Variants in PIEZO2 observed in about 807,000 individuals in gnomAD.
PIEZO2 encodes piezo type mechanosensitive ion channel component 2.
A neutral mutation model predicts 337.3 loss-of-function variants in PIEZO2; 172 were observed. That is an observed-to-expected ratio of 0.51 (90% CI 0.45 to 0.58). The LOEUF is 0.58. PIEZO2 is among the 20% of genes least tolerant of loss of function. The pLI is 0.00. For synonymous variants in PIEZO2, 1,251 were observed against 1,228.5 expected, an observed-to-expected ratio of 1.02 and a Z score of -0.38; for missense variants, 3,028 against 3,391.3, an observed-to-expected ratio of 0.89 and a Z score of 2.66.
At position 10,837,340 on chromosome 18, in the gene PIEZO2, G is replaced by C. The variant is rs2041046278; in HGVS notation, c.917+18013C>G. Among the ~76,000 whole-genome samples the C allele has an allele frequency of 6.6e-6, 1 of 152,196 alleles. No homozygotes were observed. The highest frequency in any genetic ancestry group is 6.5e-5 in the Admixed American group (1 of 15,286). ...AGAAGTCCCCTGTGAGGGGAACACAGCATCTTCTGAGAATACCTTTTCCAA... is the reference window on the plus strand; with the variant it reads ...AGAAGTCCCCTGTGAGGGGAACACACCATCTTCTGAGAATACCTTTTCCAA... On this transcript the variant is annotated intron_variant, in intron 7 of 55. Coordinates refer to ENST00000674853, the MANE Select transcript of PIEZO2 (RefSeq NM_001378183.1). The surrounding 1 kb of genome is among the most constrained non-coding windows in gnomAD (Gnocchi z 4.4).
Position 11,097,577 on chromosome 18 carries a change from G to A in PIEZO2, c.65-31355C>T, listed in dbSNP as rs2039295995. On this transcript the variant is annotated intron_variant, in intron 1 of 55. Transcript: ENST00000674853. The surrounding 1 kb of genome is among the most constrained non-coding windows in gnomAD (Gnocchi z 5.0). ...AAGACAGCAAAAGCTATTTAGAGGA[G>A]TACAGCCTAATCACCACCACCAAAA... is the stretch of plus-strand genomic sequence containing the variant. 6.6e-6 allele frequency among the ~76,000 whole-genome samples: 1 copy of A among 152,210 alleles called. No individual in the cohort carries two copies. Among genetic ancestry groups the A allele is most frequent in the African/African-American group, 2.4e-5 (1 of 41,462 alleles).
rs1196335737 is a variant in PIEZO2 at position 11,094,031 on chromosome 18, T to C, written c.65-27809A>G. On this transcript the variant is annotated intron_variant, in intron 1 of 55. Coordinates refer to ENST00000674853, the MANE Select transcript of PIEZO2 (RefSeq NM_001378183.1). This position sits in a 1 kb window ranked among gnomAD's most constrained non-coding sequence, Gnocchi z 4.4. ...CTCGCTCTTGGGGCCCAGGCTGGAG[T>C]GCAGTGGTGCTACTGCGGCTCACTG... is the stretch of plus-strand genomic sequence containing the variant. 6.6e-6 allele frequency among the ~76,000 whole-genome samples: 1 copy of C among 151,820 alleles called. No individual in the cohort carries two copies. Among genetic ancestry groups the C allele is most frequent in the Non-Finnish European group, 1.5e-5 (1 of 68,006 alleles).
intron 4 of PIEZO2, among the ~76,000 whole-genome samples, chr18:10,909,683 T>A (rs1598668228): frequency 6.6e-6 from 1 of 152,286 alleles, no homozygotes; most frequent in Non-Finnish European, 1.5e-5. Context: ...AGTGGATAGG[T>A]GACCTTTTTC....
intron 1 of PIEZO2, among the ~76,000 whole-genome samples, chr18:11,118,287 C>T (rs1346158068): frequency 1.3e-5 from 2 of 152,192 alleles, no homozygotes; most frequent in Non-Finnish European, 2.9e-5. Flanking sequence ...AACGCTGGGA[C>T]CTGGAGGGGC....
At position 10,984,224 on chromosome 18, in the gene PIEZO2, A is replaced by G. The variant is rs2034783358; in HGVS notation, c.161-4564T>C. On this transcript the variant is annotated intron_variant, in intron 2 of 55. Transcript: ENST00000674853. The stretch of plus-strand genomic sequence containing the variant: ...TATGACATCACCAAAGGAACAAAAT[A>G]CAGCTCTAGTGGCTGACCCCAAAGA... 2.6e-5 allele frequency among the ~76,000 whole-genome samples: 4 copies of G among 152,212 alleles called. No homozygotes were observed. The South Asian group carries it at 8.3e-4, about 32-fold the overall frequency.
chr18:11,035,312 TC>T lies in PIEZO2; in HGVS notation c.160+30814del. Among the ~76,000 whole-genome samples, 4 of 114,884 alleles carry T rather than the reference TC, an allele frequency of 3.5e-5. No homozygotes were observed. Among genetic ancestry groups the T allele is most frequent in the South Asian group, 2.7e-4 (1 of 3,682 alleles). The allele number at this position is 114,884 out of a possible 152,430, so 75.4% of individuals were successfully genotyped here. ...AAAAGCCTGGCACCTTCTCTCTCTC[TC>T]CCTCTCTCTCTCTCTCTCTCTTTCT... On this transcript the variant is annotated intron_variant, in intron 2 of 55. Coordinates refer to ENST00000674853, the MANE Select transcript of PIEZO2 (RefSeq NM_001378183.1). The surrounding 1 kb of genome is among the most constrained non-coding windows in gnomAD (Gnocchi z 4.3).
At chr18:10,800,543 C>A in intron 10 of PIEZO2, 68 bp from the exon 11 acceptor site, 1 of 1,445,516 alleles carries the variant, frequency 6.9e-7, no homozygotes, top group Admixed American at 2.7e-5. Context: ...GACATACCCC[C>A]ACTTCCCTTC....
rs9962335 is a variant in PIEZO2 at position 10,783,888 on chromosome 18, C to T, written c.2492+896G>A. Among the ~76,000 whole-genome samples the T allele has an allele frequency of 0.032, 4,946 of 152,288 alleles. 113 individuals carry two copies. The highest frequency in any genetic ancestry group is 0.12 in the South Asian group (587 of 4,820). ...AGAACGCTGGAAGTTTGGCATTTTA[C>T]GAAATGCATATCATGAACTCCTACT... On this transcript the variant is annotated intron_variant, in intron 17 of 55. Transcript: ENST00000674853. The surrounding 1 kb of genome is among the most constrained non-coding windows in gnomAD (Gnocchi z 4.3).
intron 2 of PIEZO2, among the ~76,000 whole-genome samples, chr18:10,994,420 T>C (rs2035227064): frequency 6.7e-6 from 1 of 149,588 alleles, no homozygotes; most frequent in African/African-American, 2.5e-5. Context: ...TTTTTTTTGA[T>C]ACTGAGTCTT....
rs2034307303 is a variant in PIEZO2, at chr18:10,973,143, C to T, written c.286+6392G>A. Among the ~76,000 whole-genome samples the T allele has an allele frequency of 6.6e-6, 1 of 152,094 alleles. No homozygotes were observed. Among genetic ancestry groups the T allele is most frequent in the African/African-American group, 2.4e-5 (1 of 41,398 alleles). ...AAAACTGCTGCATAAAGTGAGCATCCATATCTATTACTAAAGGTGAATCAA... is the reference window on the plus strand; with the variant it reads ...AAAACTGCTGCATAAAGTGAGCATCTATATCTATTACTAAAGGTGAATCAA... On this transcript the variant is annotated intron_variant, in intron 3 of 55. Transcript: ENST00000674853. The surrounding 1 kb of genome is among the most constrained non-coding windows in gnomAD (Gnocchi z 4.9).
rs1017646808 is a variant in PIEZO2, at chr18:10,751,515, A to G, written c.4167+1121T>C. On this transcript the variant is annotated intron_variant, in intron 28 of 55. Coordinates refer to ENST00000674853, the MANE Select transcript of PIEZO2 (RefSeq NM_001378183.1). ...CATCACCTAGAAAATTAACCTTTCA[A>G]TGGACTTCAGACAAAATAAATTATC... 1.4e-4 allele frequency among the ~76,000 whole-genome samples: 22 copies of G among 152,358 alleles called. 1 individual carries two copies. Among genetic ancestry groups the G allele is most frequent in the South Asian group, 1.2e-3 (6 of 4,832 alleles).
chr18:10,998,182 C>CA (rs1568279980), intron 2 of PIEZO2, among the ~76,000 whole-genome samples: 1 of 151,736 alleles, frequency 6.6e-6, no homozygotes, highest in South Asian at 2.1e-4. Context: ...AGGAATGAGG[C>CA]AAAAAGAAAA....
Position 11,038,403 on chromosome 18 carries a change from A to G in PIEZO2, c.160+27724T>C, listed in dbSNP as rs1434547922. Among the ~76,000 whole-genome samples, 3 of 152,200 alleles carry G rather than the reference A, an allele frequency of 2.0e-5. No individual in the cohort carries two copies. The highest frequency in any genetic ancestry group is 7.2e-5 in the African/African-American group (3 of 41,444). ...AATGACAGGAAATTAAAAGGTAACCATTCCCATGCCAAGTGTAAGCCGGAG... is the reference window on the plus strand; with the variant it reads ...AATGACAGGAAATTAAAAGGTAACCGTTCCCATGCCAAGTGTAAGCCGGAG... On this transcript the variant is annotated intron_variant, in intron 2 of 55. Transcript: ENST00000674853. The surrounding 1 kb of genome is among the most constrained non-coding windows in gnomAD (Gnocchi z 4.1).
At chr18:10,926,966 C>A (rs973917903) in intron 3 of PIEZO2, among the ~76,000 whole-genome samples, 2 of 152,252 alleles carry the variant, frequency 1.3e-5, no homozygotes, top group Admixed American at 6.5e-5. Flanking sequence ...GCCGCACAAG[C>A]TCTTCCTATC....
At chr18:10,916,581 G>A (rs1348980348) in intron 3 of PIEZO2, among the ~76,000 whole-genome samples, 2 of 152,164 alleles carry the variant, frequency 1.3e-5, no homozygotes, top group Non-Finnish European at 2.9e-5. Context: ...CTCTGAGTGT[G>A]GGGTCCGTGA....
At chr18:10,703,985 C>T (rs1189764071) in intron 42 of PIEZO2, among the ~76,000 whole-genome samples, 2 of 152,102 alleles carry the variant, frequency 1.3e-5, no homozygotes, top group Admixed American at 6.6e-5. Context: ...CCCCCGGTGG[C>T]GCCAGGCATT....
Position 10,762,553 on chromosome 18 carries a change from G to T in PIEZO2, c.3196C>A (p.Pro1066Thr), listed in dbSNP as rs1410043620. ...KSLLYSAPID[P>T]TEWVGLRKSS... ...TTCCGCAGGCCGACCCACTCTGTAG[G>T]ATCGATAGGAGCGCTGTAGAGCAGA... The change falls in exon 23 of 56, where the codon CCT (proline) becomes ACT (threonine). Residue 1066 changes from proline (P) to threonine (T), a missense_variant. Coordinates refer to ENST00000674853, the MANE Select transcript of PIEZO2 (RefSeq NM_001378183.1). The T allele has an allele frequency of 2.3e-5, 35 of 1,537,408 alleles. No homozygotes were observed. Among genetic ancestry groups the T allele is most frequent in the Non-Finnish European group, 3.0e-5 (34 of 1,146,948 alleles).
intron 3 of PIEZO2, among the ~76,000 whole-genome samples, chr18:10,955,733 A>G (rs1178516263): frequency 6.6e-6 from 1 of 152,186 alleles, no homozygotes; most frequent in Non-Finnish European, 1.5e-5. Flanking sequence ...GAGAACTCCA[A>G]TATTTCATTT....
chr18:11,140,208 T>C (rs1343791719), intron 1 of PIEZO2, among the ~76,000 whole-genome samples: 1 of 152,174 alleles, frequency 6.6e-6, no homozygotes, highest in Non-Finnish European at 1.5e-5. Context: ...AAGTGTGTCC[T>C]CTGCACCCTC....
Sources: gnomAD v4.1 joint callset for allele counts (sites outside exome capture counted in the v4.1 genomes callset) on GRCh38, gnomAD v4.1.1 for gene constraint, Gnocchi (gnomAD v3.1) non-coding constraint, MANE v1.5 for transcripts, NCBI Gene and HGNC (gene_info 2026-07-23, HGNC 2026-07-21) for gene names.